FRMD6: variants seen among roughly 807,000 people sequenced by gnomAD.
The protein encoded by FRMD6 is FERM domain-containing protein 6.
In FRMD6, 37 loss-of-function variants were observed where a neutral mutation model predicts 73.2. The observed-to-expected ratio is 0.51, with a 90% CI of 0.39 to 0.66. The LOEUF (loss-of-function observed/expected upper bound fraction) is 0.66, where lower values mean the gene tolerates loss of function less well. FRMD6 is among the 30% of genes least tolerant of loss of function. The probability of loss-of-function intolerance (pLI) is 0.00; values close to 1 mark genes in which losing one functional copy is unlikely to be tolerated. For synonymous variants in FRMD6, 273 were observed against 282.2 expected, an observed-to-expected ratio of 0.97 and a Z score of 0.33; for missense variants, 714 against 780.5, an observed-to-expected ratio of 0.91 and a Z score of 1.02.
intron 1 of FRMD6, among the ~76,000 whole-genome samples, chr14:51,538,912 A>G (rs995257162): frequency 3.9e-5 from 6 of 152,142 alleles, no homozygotes; most frequent in Admixed American, 6.6e-5. Context: ...AATCTGGGAT[A>G]TTGATGGGGA....
At chr14:51,541,562 G>A (rs1160603949) in intron 1 of FRMD6, among the ~76,000 whole-genome samples, 1 of 152,022 alleles carries the variant, frequency 6.6e-6, no homozygotes, top group Non-Finnish European at 1.5e-5. Flanking sequence ...CAAAACATCT[G>A]CTGGCTTTTC....
chr14:51,725,744 G>C (rs1897914719), intron 12 of FRMD6, 35 bp from the exon 13 acceptor site: 2 of 1,388,578 alleles, frequency 1.4e-6, no homozygotes, highest in African/African-American at 2.8e-5. Context: ...ATAATTTGAA[G>C]TATTTATTGT....
chr14:51,563,830 T>C (rs975808948), intron 1 of FRMD6, among the ~76,000 whole-genome samples: 4 of 152,238 alleles, frequency 2.6e-5, no homozygotes, highest in Non-Finnish European at 4.4e-5. Flanking sequence ...GGAAAGTCCA[T>C]TTTTATTCAC....
At chr14:51,530,321 T>C (rs1885510651) in intron 1 of FRMD6, among the ~76,000 whole-genome samples, 1 of 152,196 alleles carries the variant, frequency 6.6e-6, no homozygotes, top group Non-Finnish European at 1.5e-5. Context: ...TTGGAGTATT[T>C]ATACCACAGA....
At chr14:51,413,304 C>T in the FRMD6 span, among the ~76,000 whole-genome samples, 1 of 152,168 alleles carries the variant, frequency 6.6e-6, no homozygotes, top group African/African-American at 2.4e-5. Flanking sequence ...TGCTATCCCT[C>T]CCCCTGCTCC....
At chr14:51,513,886 C>A (rs1403885378) in intron 1 of FRMD6, among the ~76,000 whole-genome samples, 2 of 152,218 alleles carry the variant, frequency 1.3e-5, no homozygotes, top group Non-Finnish European at 2.9e-5. Context: ...TTCCCCAGCT[C>A]CCATGTCTGG....
intron 1 of FRMD6, among the ~76,000 whole-genome samples, chr14:51,676,547 T>C (rs1434824844): frequency 6.6e-6 from 1 of 152,216 alleles, no homozygotes; most frequent in Non-Finnish European, 1.5e-5. Flanking sequence ...CAGGCAGTTA[T>C]AGCAGCATTT....
intron 1 of FRMD6, among the ~76,000 whole-genome samples, chr14:51,672,861 G>A (rs1894113308): frequency 6.6e-6 from 1 of 152,140 alleles, no homozygotes; most frequent in South Asian, 2.1e-4. Flanking sequence ...ATTCTAGAAG[G>A]ATGAATGAAC....
chr14:51,486,673 A>G (rs547273929), upstream of FRMD6, among the ~76,000 whole-genome samples: 3 of 152,186 alleles, frequency 2.0e-5, no homozygotes, highest in Non-Finnish European at 2.9e-5. Context: ...TTGCTGATCT[A>G]TAGACTCAAT....
At chr14:51,488,928 G>A (rs1259527741), upstream of FRMD6, among the ~76,000 whole-genome samples, 1 of 152,202 alleles carries the variant, frequency 6.6e-6, no homozygotes, top group Non-Finnish European at 1.5e-5. Flanking sequence ...TCTAGACTGG[G>A]TCCTCCCTTT....
the FRMD6 span, among the ~76,000 whole-genome samples, chr14:51,469,822 ATGTT>A: frequency 6.6e-6 from 1 of 151,992 alleles, no homozygotes; most frequent in Non-Finnish European, 1.5e-5. Flanking sequence ...TATTCTGAAA[ATGTT>A]TGTGTAAGAT....
the FRMD6 span, among the ~76,000 whole-genome samples, chr14:51,466,065 C>T: frequency 6.6e-6 from 1 of 151,726 alleles, no homozygotes; most frequent in Non-Finnish European, 1.5e-5. Context: ...TCTTGAACAT[C>T]TTTCTACATG....
upstream of FRMD6, among the ~76,000 whole-genome samples, chr14:51,487,175 T>C (rs1040526732): frequency 3.9e-5 from 6 of 152,334 alleles, no homozygotes; most frequent in African/African-American, 1.4e-4. Flanking sequence ...TGTTTGTTAC[T>C]GTATATAGTA....
At chr14:51,633,509 G>A (rs1483433067) in intron 2 of FRMD6, among the ~76,000 whole-genome samples, 3 of 143,390 alleles carry the variant, frequency 2.1e-5, no homozygotes, top group East Asian at 2.1e-4. Context: ...GCTGAGAAAC[G>A]AGGATCACCT....
chr14:51,524,411 A>G (rs868857054), intron 1 of FRMD6, among the ~76,000 whole-genome samples: 11 of 152,028 alleles, frequency 7.2e-5, no homozygotes, highest in Middle Eastern at 3.2e-3. Flanking sequence ...ATTATGCATG[A>G]CCTTAGTAGG....
At chr14:51,696,939 G>A (rs927787466) in intron 2 of FRMD6, among the ~76,000 whole-genome samples, 3 of 151,972 alleles carry the variant, frequency 2.0e-5, no homozygotes, top group Non-Finnish European at 2.9e-5. Context: ...AAAAATGCTC[G>A]GCATCACTAA....
chr14:51,492,212 A>G (rs1376656476), intron 1 of FRMD6, among the ~76,000 whole-genome samples: 3 of 152,160 alleles, frequency 2.0e-5, no homozygotes, highest in Non-Finnish European at 4.4e-5. Context: ...TAGAACCAAG[A>G]GTTCTCCTCT....
chr14:51,581,686 T>A (rs1191371404), intron 2 of FRMD6, among the ~76,000 whole-genome samples: 1 of 152,234 alleles, frequency 6.6e-6, no homozygotes, highest in Admixed American at 6.5e-5. Context: ...CTCAGTTGAT[T>A]TTCTCCAGAT....
At chr14:51,397,099 G>C in the FRMD6 span, 1 of 152,292 alleles carries the variant, frequency 6.6e-6, no homozygotes, top group Admixed American at 6.5e-5. Flanking sequence ...AGCAGAGAAG[G>C]ATCTCAGAGG....
Sources: allele counts gnomAD v4.1 joint callset (sites outside exome capture counted in the v4.1 genomes callset), GRCh38; gene constraint gnomAD v4.1.1; transcripts MANE v1.5; gene names NCBI Gene and HGNC (gene_info 2026-07-23, HGNC 2026-07-21).